LSMEM1: variants seen among roughly 807,000 people sequenced by gnomAD.
LSMEM1 encodes the protein leucine rich single-pass membrane protein 1.
Under a neutral mutation model 11.3 loss-of-function variants are expected in LSMEM1, and 10 were observed. The observed-to-expected ratio is 0.89, with a 90% CI of 0.55 to 1.50. The LOEUF (loss-of-function observed/expected upper bound fraction) is 1.50, where lower values mean the gene tolerates loss of function less well. Among genes scored for constraint, LSMEM1 ranks in the 40% most tolerant of loss-of-function variants. LSMEM1 has a pLI of 0.00. For missense variants in LSMEM1, 151 were observed against 152.9 expected, an observed-to-expected ratio of 0.99 and a Z score of 0.06; for synonymous variants, 65 against 59.3, an observed-to-expected ratio of 1.10 and a Z score of -0.44.
intron 3 of LSMEM1, among the ~76,000 whole-genome samples, chr7:112,489,502 G>A (rs2117375860): frequency 6.6e-6 from 1 of 152,324 alleles, no homozygotes; most frequent in African/African-American, 2.4e-5. Flanking sequence ...TCACTTCTGG[G>A]AGGATAATCA....
chr7:112,487,647 C>G (rs1464315491), intron 3 of LSMEM1, among the ~76,000 whole-genome samples: 1 of 152,246 alleles, frequency 6.6e-6, no homozygotes, highest in Non-Finnish European at 1.5e-5. Context: ...TGAGTGGTGA[C>G]TCAGGCTTCC....
At chr7:112,486,387 T>C in intron 2 of LSMEM1, 1 of 454,136 alleles carries the variant, frequency 2.2e-6, no homozygotes. Context: ...TCCAAAGAGG[T>C]CTAAGGAGAT....
At chr7:112,486,664 T>C (rs776602087) in intron 2 of LSMEM1, among the ~76,000 whole-genome samples, 1 of 152,068 alleles carries the variant, frequency 6.6e-6, no homozygotes, top group African/African-American at 2.4e-5. Flanking sequence ...TAGTCCCAGC[T>C]ACTCGGGAGG....
chr7:112,486,871 A>G, intron 2 of LSMEM1, 52 bp from the exon 3 acceptor site: 1 of 1,610,170 alleles, frequency 6.2e-7, no homozygotes, highest in Non-Finnish European at 8.5e-7. Flanking sequence ...TTCTGCTGAC[A>G]AGTTGTATGC....
At chr7:112,488,082 C>T (rs1796171273) in intron 3 of LSMEM1, among the ~76,000 whole-genome samples, 1 of 152,178 alleles carries the variant, frequency 6.6e-6, no homozygotes, top group Non-Finnish European at 1.5e-5. Context: ...AGACTCCTCC[C>T]TCCTTACAGC....
chr7:112,488,413 T>A (rs1796178358), intron 3 of LSMEM1, among the ~76,000 whole-genome samples: 1 of 152,136 alleles, frequency 6.6e-6, no homozygotes, highest in Admixed American at 6.6e-5. Flanking sequence ...TAGGTATGTC[T>A]ACAGACATGT....
chr7:112,485,034 AG>A (rs1169446713), intron 2 of LSMEM1, 91 bp downstream of exon 2: 2 of 1,271,354 alleles, frequency 1.6e-6, no homozygotes, highest in Non-Finnish European at 2.1e-6. Flanking sequence ...GGTGTGGTGG[AG>A]GGGGAGGGGG....
chr7:112,486,557 A>ACC, intron 2 of LSMEM1: 1 of 314,316 alleles, frequency 3.2e-6, no homozygotes, highest in Non-Finnish European at 6.5e-6. Flanking sequence ...AGGGCAGATC[A>ACC]TGAGGTCAGG....
intron 1 of LSMEM1, among the ~76,000 whole-genome samples, chr7:112,484,592 G>A (rs1437136902): frequency 2.0e-5 from 3 of 152,210 alleles, no homozygotes; most frequent in Non-Finnish European, 4.4e-5. Flanking sequence ...ACATTTGACT[G>A]TGAGCTTCCT....
chr7:112,488,810 T>C (rs1234114763), intron 3 of LSMEM1, among the ~76,000 whole-genome samples: 1 of 152,206 alleles, frequency 6.6e-6, no homozygotes, highest in African/African-American at 2.4e-5. Flanking sequence ...TTGGCCAGGC[T>C]GGTCTCGAAA....
chr7:112,488,173 G>A (rs1052020649), intron 3 of LSMEM1, among the ~76,000 whole-genome samples: 7 of 152,098 alleles, frequency 4.6e-5, no homozygotes, highest in Non-Finnish European at 5.9e-5. Flanking sequence ...CTCTTGCACC[G>A]GGCTGATGAC....
At chr7:112,485,091 A>G in intron 2 of LSMEM1, 148 bp downstream of exon 2, 1 of 967,914 alleles carries the variant, frequency 1.0e-6, no homozygotes, top group East Asian at 2.9e-5. Flanking sequence ...TTGTTGGGCA[A>G]TTTTGCTTTT....
chr7:112,486,730 CAA>C, intron 2 of LSMEM1, 191 bp from the exon 3 acceptor site: 1 of 607,520 alleles, frequency 1.6e-6, no homozygotes, highest in Non-Finnish European at 2.6e-6. Flanking sequence ...GAGCCGAGAT[CAA>C]GCCACTGCAC....
chr7:112,480,781 C>T, upstream of LSMEM1: 1 of 455,878 alleles, frequency 2.2e-6, no homozygotes, highest in Non-Finnish European at 4.4e-6. Context: ...GGCGTCTGAC[C>T]TGCCATCATC....
intron 1 of LSMEM1, among the ~76,000 whole-genome samples, chr7:112,483,887 G>C (rs1217170173): frequency 6.6e-6 from 1 of 152,110 alleles, no homozygotes; most frequent in African/African-American, 2.4e-5. Flanking sequence ...ACCATGAAAG[G>C]AAAAGCTTTT....
upstream of LSMEM1, among the ~76,000 whole-genome samples, chr7:112,480,506 A>G (rs1006838213): frequency 6.6e-6 from 1 of 152,246 alleles, no homozygotes. Flanking sequence ...CACTGTTAGT[A>G]TCCTGCTGAG....
Position 112,489,948 on chromosome 7 carries a change from A to G in LSMEM1, c.395A>G (p.Ter132=). Reference sequence around the variant, plus strand: ...AACCAACTGGACTCTGAACAAAACTAAAGGAATGATTTTCTGAAAGCACCT... The same window carrying G: ...AACCAACTGGACTCTGAACAAAACTGAAGGAATGATTTTCTGAAAGCACCT... ...QLNQLDSEQN[*] The change falls in exon 4 of 4, where the codon TAA becomes TGA. Residue 132 remains the stop codon, a stop_retained_variant. Coordinates refer to ENST00000312849, the MANE Select transcript of LSMEM1 (RefSeq NM_182597.3). The G allele has an allele frequency of 6.2e-7, 1 of 1,612,062 alleles. No homozygotes were observed. Among genetic ancestry groups the G allele is most frequent in the Non-Finnish European group, 8.5e-7 (1 of 1,179,354 alleles).
At chr7:112,487,752 C>A (rs1160392655) in intron 3 of LSMEM1, among the ~76,000 whole-genome samples, 1 of 152,246 alleles carries the variant, frequency 6.6e-6, no homozygotes, top group African/African-American at 2.4e-5. Context: ...ACCTGCGGTG[C>A]TGTCTTCCCG....
chr7:112,486,828 T>C (rs1796138842), intron 2 of LSMEM1, 95 bp from the exon 3 acceptor site: 13 of 1,524,276 alleles, frequency 8.5e-6, no homozygotes, highest in Non-Finnish European at 1.2e-5. Flanking sequence ...GGTGTGTCCA[T>C]TACTCACGGT....
Sources: gnomAD v4.1 joint callset for allele counts (sites outside exome capture counted in the v4.1 genomes callset) on GRCh38, gnomAD v4.1.1 for gene constraint, MANE v1.5 for transcripts, NCBI Gene and HGNC (gene_info 2026-07-23, HGNC 2026-07-21) for gene names.